MPDZ: variants seen among roughly 807,000 people sequenced by gnomAD.
MPDZ encodes multiple PDZ domain protein.
Under a neutral mutation model 239.1 loss-of-function variants are expected in MPDZ, and 234 were observed. The observed-to-expected ratio is 0.98, with a 90% CI of 0.88 to 1.09. MPDZ has a LOEUF of 1.09. Ranked by LOEUF, MPDZ falls within the 50% of genes least tolerant of loss-of-function variation. MPDZ has a pLI of 0.00. For missense variants in MPDZ, 3,175 were observed against 2,510.0 expected, an observed-to-expected ratio of 1.26 and a Z score of -5.66; for synonymous variants, 1,048 against 881.3, an observed-to-expected ratio of 1.19 and a Z score of -3.35.
intron 31 of MPDZ, chr9:13,135,611 A>C (rs147653826): frequency 6.6e-6 from 1 of 152,346 alleles, no homozygotes; most frequent in African/African-American, 2.4e-5. Context: ...CTATCAATGT[A>C]TCCCATGATC....
chr9:13,227,648 T>TA (rs1270471664), intron 3 of MPDZ, among the ~76,000 whole-genome samples: 3 of 152,088 alleles, frequency 2.0e-5, no homozygotes, highest in African/African-American at 7.2e-5. Context: ...AAAGAGTAGG[T>TA]ATACAGGCAT....
intron 1 of MPDZ, among the ~76,000 whole-genome samples, chr9:13,254,466 T>A (rs1032801787): frequency 6.6e-6 from 1 of 152,238 alleles, no homozygotes; most frequent in Non-Finnish European, 1.5e-5. Flanking sequence ...ATACACAGTA[T>A]ATTGTTGTAA....
rs141575171 is a variant in MPDZ, at chr9:13,155,212, G to A, written c.3452+2806C>T. ...CAGCCTGGCAACAGAGTGAGACTCTGTCTCAGAAAAATAATAATAATAATT... is the reference window on the plus strand; with the variant it reads ...CAGCCTGGCAACAGAGTGAGACTCTATCTCAGAAAAATAATAATAATAATT... On this transcript the variant is annotated intron_variant, in intron 24 of 46. Coordinates refer to ENST00000319217, the MANE Select transcript of MPDZ (RefSeq NM_001378778.1). 2.6e-3 allele frequency among the ~76,000 whole-genome samples: 395 copies of A among 152,118 alleles called. 4 individuals are homozygous for A. Among genetic ancestry groups the A allele is most frequent in the African/African-American group, 9.0e-3 (372 of 41,512 alleles).
intron 33 of MPDZ, 25 bp downstream of exon 33, chr9:13,126,655 T>C: frequency 3.1e-6 from 5 of 1,612,560 alleles, no homozygotes; most frequent in African/African-American, 1.3e-5. Context: ...AACTACTTAA[T>C]GACAGCAAGA....
In MPDZ at chr9:13,115,761, T is replaced by C. The variant is rs751985978; in HGVS notation, c.5380-427A>G. Reference sequence around the variant, plus strand: ...GAGATCAAGACCATCCTGGCTAACATGGTGAAACCCTGTCTCTACTAAAAA... The same window carrying C: ...GAGATCAAGACCATCCTGGCTAACACGGTGAAACCCTGTCTCTACTAAAAA... On this transcript the variant is annotated intron_variant, in intron 39 of 46. Coordinates refer to ENST00000319217, the MANE Select transcript of MPDZ (RefSeq NM_001378778.1). 4.4e-4 allele frequency among the ~76,000 whole-genome samples: 67 copies of C among 151,904 alleles called. 1 individual carries two copies. Among genetic ancestry groups the C allele is most frequent in the South Asian group, 2.3e-3 (11 of 4,798 alleles).
chr9:13,109,060 C>A lies in MPDZ; in HGVS notation c.5943-1G>T. The A allele has an allele frequency of 1.4e-6, 2 of 1,420,498 alleles. No individual in the cohort carries two copies. The highest frequency in any genetic ancestry group is 1.8e-6 in the Non-Finnish European group (2 of 1,083,028). The allele number at this position is 1,420,498 out of a possible 1,614,324, so 88.0% of individuals were successfully genotyped here. On this transcript the variant is annotated splice_acceptor_variant, in intron 45 of 46. Coordinates refer to ENST00000319217, the MANE Select transcript of MPDZ (RefSeq NM_001378778.1). LOFTEE classifies it high-confidence loss of function. Reference sequence around the variant, plus strand: ...TGTAATAGACTTACATTGAGGAGGTCTACGGTGAAGGAAAGGAAAAAGAGG... The same window carrying A: ...TGTAATAGACTTACATTGAGGAGGTATACGGTGAAGGAAAGGAAAAAGAGG...
At chr9:13,241,361 C>G (rs1194074593) in intron 3 of MPDZ, among the ~76,000 whole-genome samples, 2 of 152,258 alleles carry the variant, frequency 1.3e-5, no homozygotes, top group African/African-American at 4.8e-5. Context: ...CAAGTAACAA[C>G]AGCTGGGAAG....
At chr9:13,122,003 G>A (rs753793554) in intron 37 of MPDZ, 71 bp from the exon 38 acceptor site, 4 of 1,597,630 alleles carry the variant, frequency 2.5e-6, no homozygotes, top group South Asian at 1.1e-5. Context: ...GAAGGGAAGA[G>A]AGAGAAAGAA....
intron 12 of MPDZ, among the ~76,000 whole-genome samples, chr9:13,204,757 G>T (rs1362554101): frequency 6.6e-6 from 1 of 152,104 alleles, no homozygotes; most frequent in Non-Finnish European, 1.5e-5. Context: ...TAATTCCTAA[G>T]GAGTTCTGGT....
intron 44 of MPDZ, 96 bp from the exon 45 acceptor site, chr9:13,110,160 A>AT (rs1394126085): frequency 1.3e-6 from 1 of 796,914 alleles, no homozygotes; most frequent in East Asian, 2.7e-5. Flanking sequence ...TAAAATGTAT[A>AT]TTTTATTGTT....
chr9:13,158,880 T>A (rs573495367), intron 23 of MPDZ, among the ~76,000 whole-genome samples: 1 of 152,262 alleles, frequency 6.6e-6, no homozygotes, highest in African/African-American at 2.4e-5. Flanking sequence ...TAAATGAGGC[T>A]GAGAGGACAA....
chr9:13,192,465 T>C (rs1480736263), intron 14 of MPDZ, among the ~76,000 whole-genome samples, 170 bp from the exon 15 acceptor site: 1 of 152,176 alleles, frequency 6.6e-6, no homozygotes, highest in Non-Finnish European at 1.5e-5. Flanking sequence ...TGTGCAAGTT[T>C]AGAGTATTGT....
chr9:13,141,703 T>C (rs1947717700), intron 27 of MPDZ, among the ~76,000 whole-genome samples: 1 of 152,164 alleles, frequency 6.6e-6, no homozygotes, highest in South Asian at 2.1e-4. Context: ...TACCTAAAAA[T>C]ATATGTAACA....
chr9:13,170,907 G>C (rs1268862067), intron 21 of MPDZ, among the ~76,000 whole-genome samples: 1 of 152,132 alleles, frequency 6.6e-6, no homozygotes, highest in Non-Finnish European at 1.5e-5. Context: ...CCACTAACCA[G>C]ATTTTGGTTG....
chr9:13,214,566 T>C (rs961700392), intron 10 of MPDZ, among the ~76,000 whole-genome samples: 2 of 152,060 alleles, frequency 1.3e-5, no homozygotes, highest in African/African-American at 4.8e-5. Flanking sequence ...GTGAATTGTA[T>C]GGTATGTGAA....
rs940890746 is a variant in MPDZ at position 13,193,257 on chromosome 9, C to T, written c.1713G>A (p.Ala571=). 5.0e-6 allele frequency: 8 copies of T among 1,612,306 alleles called. No individual in the cohort carries two copies. In the African/African-American group the frequency reaches 5.3e-5, roughly 11 times the overall value. Residue 571 remains alanine, a synonymous_variant, in exon 14 of 47, where the codon GCG becomes GCA. Coordinates refer to ENST00000319217, the MANE Select transcript of MPDZ (RefSeq NM_001378778.1). ...ATCGGATAAAATGATGTCCCACTGT[C>T]GCTTCCAGGCTTATCCCCAATCCAC... ...ENSGLGISLE[A]TVGHHFIRSV...
At chr9:13,263,424 A>T (rs1971140698) in intron 1 of MPDZ, among the ~76,000 whole-genome samples, 1 of 152,086 alleles carries the variant, frequency 6.6e-6, no homozygotes, top group African/African-American at 2.4e-5. Flanking sequence ...TTTCGCCTAA[A>T]ACTATAATAC....
chr9:13,200,597 G>C (rs1233064833), intron 12 of MPDZ, among the ~76,000 whole-genome samples: 1 of 151,840 alleles, frequency 6.6e-6, no homozygotes, highest in Admixed American at 6.6e-5. Flanking sequence ...GTAGGCCATA[G>C]GTTTGGTATG....
intron 1 of MPDZ, chr9:13,276,871 C>T (rs892511916): frequency 6.6e-6 from 1 of 152,202 alleles, no homozygotes; most frequent in Non-Finnish European, 1.5e-5. Context: ...CATTGTTCCT[C>T]TCCAGCTTTT....
Sources: gnomAD v4.1 joint callset for allele counts (sites outside exome capture counted in the v4.1 genomes callset) on GRCh38, gnomAD v4.1.1 for gene constraint, MANE v1.5 for transcripts, NCBI Gene and HGNC (gene_info 2026-07-23, HGNC 2026-07-21) for gene names.